Variants in GPR158 observed in about 807,000 individuals in gnomAD.
The protein encoded by GPR158 is G protein-coupled receptor 158, also known as metabotropic glycine receptor.
A neutral mutation model predicts 78.2 loss-of-function variants in GPR158; 30 were observed. The observed-to-expected ratio is 0.38, with a 90% CI of 0.29 to 0.52. The LOEUF (loss-of-function observed/expected upper bound fraction) is 0.52, where lower values mean the gene tolerates loss of function less well. Among genes scored for constraint, GPR158 ranks in the 20% least tolerant of loss-of-function variants. The pLI is 0.83. For missense variants in GPR158, 1,463 were observed against 1,523.5 expected, an observed-to-expected ratio of 0.96 and a Z score of 0.66; for synonymous variants, 581 against 591.1, an observed-to-expected ratio of 0.98 and a Z score of 0.25.
chr10:25,314,203 C>T (rs1363417626), intron 2 of GPR158, among the ~76,000 whole-genome samples: 1 of 152,086 alleles, frequency 6.6e-6, no homozygotes, highest in Non-Finnish European at 1.5e-5. Context: ...TGGGTTCAAG[C>T]AATTCTCCTC....
At chr10:25,370,877 G>T (rs950624568) in intron 2 of GPR158, among the ~76,000 whole-genome samples, 3 of 151,798 alleles carry the variant, frequency 2.0e-5, no homozygotes, top group African/African-American at 7.3e-5. Context: ...ATATATTAAG[G>T]ATAGTTAGCT....
intron 5 of GPR158, among the ~76,000 whole-genome samples, chr10:25,499,069 G>A (rs1835920378): frequency 6.6e-6 from 1 of 152,174 alleles, no homozygotes; most frequent in South Asian, 2.1e-4. Flanking sequence ...AAACATCTCA[G>A]TTCTGTGAAA....
chr10:25,577,339 G>A (rs1449358815), intron 7 of GPR158, among the ~76,000 whole-genome samples: 3 of 152,194 alleles, frequency 2.0e-5, no homozygotes, highest in Non-Finnish European at 2.9e-5. Flanking sequence ...AGGGACTGTA[G>A]AGAGGGAGGC....
At chr10:25,331,588 T>G (rs1398604149) in intron 2 of GPR158, among the ~76,000 whole-genome samples, 1 of 152,188 alleles carries the variant, frequency 6.6e-6, no homozygotes, top group Non-Finnish European at 1.5e-5. Context: ...GATAGCACAT[T>G]ACAGTGTGTA....
At chr10:25,320,275 T>G (rs891746827) in intron 2 of GPR158, among the ~76,000 whole-genome samples, 1 of 152,214 alleles carries the variant, frequency 6.6e-6, no homozygotes, top group East Asian at 1.9e-4. Flanking sequence ...TAGTGGACTT[T>G]TAATGGTCTA....
chr10:25,190,915 A>C (rs1037467338), intron 1 of GPR158, among the ~76,000 whole-genome samples: 15 of 152,212 alleles, frequency 9.9e-5, no homozygotes, highest in Non-Finnish European at 1.5e-4. Flanking sequence ...TTATGGAGAA[A>C]TAAGAGACAA....
intron 3 of GPR158, among the ~76,000 whole-genome samples, chr10:25,403,553 G>T (rs1227246948): frequency 1.3e-5 from 2 of 152,018 alleles, no homozygotes; most frequent in Non-Finnish European, 2.9e-5. Context: ...AGGGTTTTTA[G>T]ATTTCAGCAA....
intron 4 of GPR158, among the ~76,000 whole-genome samples, chr10:25,438,295 G>C (rs943063272): frequency 6.6e-6 from 1 of 152,162 alleles, no homozygotes; most frequent in African/African-American, 2.4e-5. Flanking sequence ...ATTACTGAAA[G>C]CCCAGATCGG....
intron 2 of GPR158, among the ~76,000 whole-genome samples, chr10:25,241,035 T>C (rs1333326163): frequency 1.3e-5 from 2 of 152,190 alleles, no homozygotes; most frequent in African/African-American, 4.8e-5. Flanking sequence ...TTATGACTAC[T>C]TTTGGTTCTA....
At chr10:25,431,966 A>C (rs1163118585) in intron 4 of GPR158, among the ~76,000 whole-genome samples, 2 of 150,308 alleles carry the variant, frequency 1.3e-5, no homozygotes, top group African/African-American at 2.4e-5. Context: ...ACTAACCTGC[A>C]CATTGTGCAC....
chr10:25,570,524 C>T (rs558076441), intron 6 of GPR158, among the ~76,000 whole-genome samples: 1 of 151,968 alleles, frequency 6.6e-6, no homozygotes, highest in South Asian at 2.1e-4. Context: ...GTTTATTGAC[C>T]ACTCTCTATT....
intron 2 of GPR158, among the ~76,000 whole-genome samples, chr10:25,293,676 T>G (rs1352001501): frequency 6.6e-6 from 1 of 152,194 alleles, no homozygotes; most frequent in African/African-American, 2.4e-5. Flanking sequence ...ATTATTTCCT[T>G]GATCATATGG....
At chr10:25,285,104 A>T (rs1854331899) in intron 2 of GPR158, among the ~76,000 whole-genome samples, 1 of 150,242 alleles carries the variant, frequency 6.7e-6, no homozygotes, top group African/African-American at 2.5e-5. Context: ...GCATGTGCAT[A>T]AATCTACATT....
intron 2 of GPR158, among the ~76,000 whole-genome samples, chr10:25,328,833 A>G (rs2130488991): frequency 6.8e-6 from 1 of 148,002 alleles, no homozygotes; most frequent in Admixed American, 6.8e-5. Flanking sequence ...CAGCTGAGGC[A>G]GGAGAATTGA....
intron 7 of GPR158, among the ~76,000 whole-genome samples, chr10:25,577,236 A>G (rs1389676430): frequency 6.6e-6 from 1 of 152,170 alleles, no homozygotes; most frequent in African/African-American, 2.4e-5. Flanking sequence ...CTGTTAATCA[A>G]AAATAAATCC....
At chr10:25,461,832 C>T (rs985047254) in intron 4 of GPR158, among the ~76,000 whole-genome samples, 11 of 150,808 alleles carry the variant, frequency 7.3e-5, no homozygotes, top group Admixed American at 4.6e-4. Flanking sequence ...CCCGGGTTCA[C>T]GCCATTCTCC....
In GPR158 at chr10:25,598,413, T is replaced by TA; in HGVS notation, c.2790dup (p.Ser931IlefsTer9). ...AAACAGCAGGTGTGGAAGAACGCAC[T>TA]AAATCCCAGAAACCTTTGCCAAAAG... On this transcript the variant is annotated frameshift_variant, in exon 11 of 11. Coordinates refer to ENST00000376351, the MANE Select transcript of GPR158 (RefSeq NM_020752.3). LOFTEE classifies it low-confidence loss of function (END_TRUNC). 1 of 1,614,100 alleles carries TA rather than the reference T, an allele frequency of 6.2e-7. No homozygotes were observed. Among genetic ancestry groups the TA allele is most frequent in the Non-Finnish European group, 8.5e-7 (1 of 1,180,016 alleles).
intron 5 of GPR158, among the ~76,000 whole-genome samples, chr10:25,490,582 G>A (rs1308175997): frequency 1.3e-5 from 2 of 149,172 alleles, no homozygotes; most frequent in African/African-American, 2.5e-5. Context: ...TGAGAATGAT[G>A]ATTTCCAATT....
chr10:25,351,407 A>G (rs976142088), intron 2 of GPR158, among the ~76,000 whole-genome samples: 14 of 145,240 alleles, frequency 9.6e-5, no homozygotes, highest in African/African-American at 3.2e-4. Context: ...ACGTTAAACT[A>G]TCCTGGGGAA....
Sources: gnomAD v4.1 joint callset for allele counts (sites outside exome capture counted in the v4.1 genomes callset) on GRCh38, gnomAD v4.1.1 for gene constraint, MANE v1.5 for transcripts, NCBI Gene and HGNC (gene_info 2026-07-23, HGNC 2026-07-21) for gene names.